Variants in PPARGC1A observed in about 807,000 individuals in gnomAD.
PPARGC1A encodes the protein PPARG coactivator 1 alpha, also known as peroxisome proliferator-activated receptor gamma coactivator 1-alpha.
PPARGC1A carries 25 observed loss-of-function variants against 88.7 expected under a neutral mutation model. The observed-to-expected ratio is 0.28, with a 90% CI of 0.21 to 0.39. The LOEUF (loss-of-function observed/expected upper bound fraction) is 0.39, where lower values mean the gene tolerates loss of function less well. Ranked by LOEUF, PPARGC1A falls within the 10% of genes least tolerant of loss-of-function variation. PPARGC1A has a pLI of 1.00. For synonymous variants in PPARGC1A, 363 were observed against 355.6 expected (o/e 1.02, Z -0.24); for missense variants, 880 against 968.7 (o/e 0.91, Z 1.22).
chr4:23,870,475 C>G (rs555006392), intron 2 of PPARGC1A, among the ~76,000 whole-genome samples: 5 of 152,198 alleles, frequency 3.3e-5, no homozygotes, highest in Non-Finnish European at 5.9e-5. Context: ...CTCTTTTGGT[C>G]AGTTGTCACT....
At chr4:24,465,791 A>G in the PPARGC1A span, among the ~76,000 whole-genome samples, 2 of 152,218 alleles carry the variant, frequency 1.3e-5, no homozygotes, top group Non-Finnish European at 2.9e-5. Context: ...TGATGGACAT[A>G]AATGTTAGGC....
At chr4:24,229,608 G>A in the PPARGC1A span, among the ~76,000 whole-genome samples, 4 of 151,406 alleles carry the variant, frequency 2.6e-5, no homozygotes, top group Non-Finnish European at 4.4e-5. Flanking sequence ...CGAGGTGAGT[G>A]GATCACTTGA....
At chr4:24,259,842 T>G in the PPARGC1A span, among the ~76,000 whole-genome samples, 1 of 152,250 alleles carries the variant, frequency 6.6e-6, no homozygotes, top group East Asian at 1.9e-4. Flanking sequence ...CATCATAGAT[T>G]TTTTCCACCC....
chr4:23,861,198 C>A (rs1219710004), intron 2 of PPARGC1A, among the ~76,000 whole-genome samples: 1 of 152,138 alleles, frequency 6.6e-6, no homozygotes, highest in African/African-American at 2.4e-5. Context: ...ACTAGAAATG[C>A]AAAATAGGCA....
At chr4:24,074,997 A>G in the PPARGC1A span, among the ~76,000 whole-genome samples, 2 of 152,130 alleles carry the variant, frequency 1.3e-5, no homozygotes, top group South Asian at 4.1e-4. Context: ...AGCCCTAAGC[A>G]TCTCCAGCCC....
intron 2 of PPARGC1A, among the ~76,000 whole-genome samples, chr4:23,875,514 C>T (rs1577613918): frequency 2.0e-5 from 3 of 151,806 alleles, no homozygotes; most frequent in Admixed American, 6.6e-5. Context: ...TACGAGATAA[C>T]ATAATCACAT....
chr4:24,226,649 A>G, the PPARGC1A span, among the ~76,000 whole-genome samples: 12 of 152,258 alleles, frequency 7.9e-5, no homozygotes, highest in Non-Finnish European at 1.8e-4. Context: ...GAGCTAAGGT[A>G]ACACAGAAGT....
At chr4:24,113,610 A>G in the PPARGC1A span, among the ~76,000 whole-genome samples, 226 of 152,258 alleles carry the variant, frequency 1.5e-3, 1 homozygote, top group African/African-American at 5.2e-3. Flanking sequence ...GAAGGGTTCC[A>G]GTGACCCAGT....
At chr4:24,168,412 G>A in the PPARGC1A span, among the ~76,000 whole-genome samples, 1 of 151,698 alleles carries the variant, frequency 6.6e-6, no homozygotes, top group African/African-American at 2.4e-5. Context: ...TTGTGTTAAA[G>A]ATAAGATAAC....
At chr4:24,414,201 A>C in the PPARGC1A span, among the ~76,000 whole-genome samples, 1 of 152,222 alleles carries the variant, frequency 6.6e-6, no homozygotes, top group Admixed American at 6.5e-5. Context: ...TTATAAACAT[A>C]GCTTTGAAAC....
chr4:24,385,392 C>G, the PPARGC1A span, among the ~76,000 whole-genome samples: 3 of 152,086 alleles, frequency 2.0e-5, no homozygotes, highest in Non-Finnish European at 4.4e-5. Flanking sequence ...TAACTAAGAT[C>G]AGAGCAAAAC....
At chr4:23,995,958 A>C in the PPARGC1A span, among the ~76,000 whole-genome samples, 1 of 152,226 alleles carries the variant, frequency 6.6e-6, no homozygotes, top group Non-Finnish European at 1.5e-5. Context: ...TCCAAAGGAC[A>C]CCTGACAGTA....
the PPARGC1A span, among the ~76,000 whole-genome samples, chr4:24,458,231 G>A: frequency 1.3e-5 from 2 of 152,304 alleles, no homozygotes; most frequent in East Asian, 3.9e-4. Flanking sequence ...TGGGCATAGT[G>A]GCTCACATCT....
the PPARGC1A span, among the ~76,000 whole-genome samples, chr4:24,211,891 C>G: frequency 6.6e-6 from 1 of 152,132 alleles, no homozygotes; most frequent in Admixed American, 6.6e-5. Flanking sequence ...CTCCACGATG[C>G]TATTTCCTAC....
the PPARGC1A span, among the ~76,000 whole-genome samples, chr4:24,166,465 A>C: frequency 6.6e-6 from 1 of 152,226 alleles, no homozygotes; most frequent in Non-Finnish European, 1.5e-5. Context: ...GCCATCTAGG[A>C]CTTTCATAGT....
chr4:23,800,223 A>G (rs1161057034), intron 12 of PPARGC1A, among the ~76,000 whole-genome samples: 2 of 152,278 alleles, frequency 1.3e-5, no homozygotes, highest in South Asian at 2.1e-4. Context: ...GACTAGATTT[A>G]TATGTTAATT....
At chr4:24,214,816 A>G in the PPARGC1A span, among the ~76,000 whole-genome samples, 1 of 152,216 alleles carries the variant, frequency 6.6e-6, no homozygotes, top group Admixed American at 6.5e-5. Context: ...AGGTACAGAT[A>G]TGTAAGTAGA....
chr4:24,127,923 A>G, the PPARGC1A span, among the ~76,000 whole-genome samples: 1 of 152,178 alleles, frequency 6.6e-6, no homozygotes, highest in Non-Finnish European at 1.5e-5. Context: ...AGAGAATAGA[A>G]TCAGACAAAG....
upstream of PPARGC1A, among the ~76,000 whole-genome samples, chr4:23,901,883 GT>G (rs1000654402): frequency 2.6e-5 from 4 of 151,214 alleles, no homozygotes; most frequent in East Asian, 1.9e-4. Flanking sequence ...ATATTTAAGG[GT>G]TTTTTTTTCT....
Sources: gnomAD v4.1 joint callset for allele counts (sites outside exome capture counted in the v4.1 genomes callset) on GRCh38, gnomAD v4.1.1 for gene constraint, MANE v1.5 for transcripts, NCBI Gene and HGNC (gene_info 2026-07-23, HGNC 2026-07-21) for gene names.